Variants in ALPK2 observed in about 807,000 individuals in gnomAD.
ALPK2 encodes alpha kinase 2.
ALPK2 carries 127 observed loss-of-function variants against 163.1 expected under a neutral mutation model. The ratio of observed to expected loss-of-function variants is 0.78; its 90% CI spans 0.67 to 0.90. The LOEUF (loss-of-function observed/expected upper bound fraction) is 0.90, where lower values mean the gene tolerates loss of function less well. Ranked by LOEUF, ALPK2 falls within the 40% of genes least tolerant of loss-of-function variation. ALPK2 has a pLI of 0.00. For synonymous variants in ALPK2, 953 were observed against 959.1 expected, an observed-to-expected ratio of 0.99 and a Z score of 0.12; for missense variants, 2,360 against 2,589.6, an observed-to-expected ratio of 0.91 and a Z score of 1.92.
intron 10 of ALPK2, among the ~76,000 whole-genome samples, chr18:58,504,851 G>A (rs140688172): frequency 1.1e-3 from 167 of 152,246 alleles, no homozygotes; most frequent in African/African-American, 4.0e-3. Context: ...CCTATAGGAA[G>A]TGAGGGGAGC....
chr18:58,572,983 G>A lies in ALPK2; in HGVS notation c.1962+5831C>T, dbSNP rs191469514. On this transcript the variant is annotated intron_variant, in intron 4 of 12. Coordinates refer to ENST00000361673, the MANE Select transcript of ALPK2 (RefSeq NM_052947.4). ...TGAGGGAACCTGGGCAAAGTGTACT[G>A]TCATCTCTCTCTATTTCTTACAACT... 3.6e-3 allele frequency among the ~76,000 whole-genome samples: 549 copies of A among 152,204 alleles called. 1 individual carries two copies. The highest frequency in any genetic ancestry group is 0.013 in the African/African-American group (527 of 41,528).
chr18:58,543,651 G>A (rs1444583558), intron 4 of ALPK2, among the ~76,000 whole-genome samples: 3 of 152,204 alleles, frequency 2.0e-5, no homozygotes, highest in Non-Finnish European at 4.4e-5. Flanking sequence ...CTTCTGCTGA[G>A]AAAGCGTAAT....
Position 58,579,309 on chromosome 18 carries a change from T to C in ALPK2, c.1467A>G (p.Glu489=). 1 of 1,614,232 alleles carries C rather than the reference T, an allele frequency of 6.2e-7. No homozygotes were observed. The highest frequency in any genetic ancestry group is 1.6e-4 in the Middle Eastern group (1 of 6,062). Residue 489 remains glutamate (E), a synonymous_variant, in exon 4 of 13, where the codon GAA becomes GAG. Transcript: ENST00000361673. ...GCTTCATCTCTGTCTCTCTTACTGA[T>C]TCATCCATGTTGAGCAGATTGTCAC... The part of the protein sequence containing the change: ...FASDNLLNMD[E]SVRETEMKLL...
chr18:58,617,165 A>G (rs2052174331), intron 1 of ALPK2, among the ~76,000 whole-genome samples: 1 of 152,042 alleles, frequency 6.6e-6, no homozygotes, highest in Non-Finnish European at 1.5e-5. Flanking sequence ...GATTGTGGCA[A>G]GTTTCTTTTT....
intron 1 of ALPK2, among the ~76,000 whole-genome samples, chr18:58,615,131 A>G (rs963633993): frequency 2.0e-5 from 3 of 152,196 alleles, no homozygotes; most frequent in African/African-American, 7.2e-5. Flanking sequence ...GACATTTTAT[A>G]TAAATAGAAG....
intron 4 of ALPK2, among the ~76,000 whole-genome samples, chr18:58,567,239 C>T (rs1350579877): frequency 6.6e-6 from 1 of 151,598 alleles, no homozygotes; most frequent in Non-Finnish European, 1.5e-5. Context: ...AAAAAAAAGG[C>T]CGGGCGTGAT....
At chr18:58,592,572 G>C (rs937296413) in intron 3 of ALPK2, among the ~76,000 whole-genome samples, 5 of 152,182 alleles carry the variant, frequency 3.3e-5, no homozygotes, top group Non-Finnish European at 7.4e-5. Flanking sequence ...AGGTAGGGCT[G>C]GGGGAGAGGG....
At chr18:58,543,056 G>A (rs980154324) in intron 4 of ALPK2, among the ~76,000 whole-genome samples, 2 of 152,266 alleles carry the variant, frequency 1.3e-5, no homozygotes, top group African/African-American at 4.8e-5. Flanking sequence ...GAATTAATGG[G>A]CTGAAGGATT....
At position 58,525,967 on chromosome 18, in the gene ALPK2, G is replaced by GAAAAAAAAAAA. The variant is rs10653750; in HGVS notation, c.5502-1916_5502-1906dup. Among the ~76,000 whole-genome samples the GAAAAAAAAAAA allele has an allele frequency of 8.5e-5, 10 of 117,590 alleles. 3 individuals carry two copies. The highest frequency in any genetic ancestry group is 9.2e-5 in the Admixed American group (1 of 10,866). The allele number at this position is 117,590 out of a possible 152,430, so 77.1% of individuals were successfully genotyped here. A position where few individuals can be genotyped will look rare whatever the true frequency, so the allele number is the denominator to read the frequency against. On this transcript the variant is annotated intron_variant, in intron 6 of 12. Transcript: ENST00000361673. Reference sequence around the variant, plus strand: ...TACTGGGGGATTCAATGATGAAAAAGAAAAAAAAAAAAAAAAAAAGGCACA... The same window carrying GAAAAAAAAAAA: ...TACTGGGGGATTCAATGATGAAAAAGAAAAAAAAAAAAAAAAAAAAAAAAAAAAAAGGCACA...
At chr18:58,556,027 A>T (rs1602216396) in intron 4 of ALPK2, among the ~76,000 whole-genome samples, 1 of 152,050 alleles carries the variant, frequency 6.6e-6, no homozygotes, top group Non-Finnish European at 1.5e-5. Flanking sequence ...TCACCATGTT[A>T]GCCAGGCTGG....
At chr18:58,533,185 C>A (rs1413251758) in intron 5 of ALPK2, among the ~76,000 whole-genome samples, 4 of 152,182 alleles carry the variant, frequency 2.6e-5, no homozygotes, top group African/African-American at 9.7e-5. Context: ...AGTGCAATGG[C>A]GAGGTTGTGC....
At chr18:58,523,667 A>G (rs2051567749) in intron 8 of ALPK2, 139 bp downstream of exon 8, 1 of 1,029,786 alleles carries the variant, frequency 9.7e-7, no homozygotes, top group East Asian at 2.4e-5. Flanking sequence ...GATGGCATTC[A>G]TTTCTTAAGT....
chr18:58,518,352 A>G (rs1291146464), intron 8 of ALPK2, among the ~76,000 whole-genome samples: 1 of 152,224 alleles, frequency 6.6e-6, no homozygotes, highest in Non-Finnish European at 1.5e-5. Context: ...TGCCAGAAAG[A>G]AAGAAAGGGA....
At position 58,579,436 on chromosome 18, in the gene ALPK2, C is replaced by T. The variant is rs372245405; in HGVS notation, c.1340G>A (p.Gly447Glu). ...GGGAGCAGTGGGGAGTTTATATCTC[C>T]CCTGTTCTGTCACTGAAGACGTTCC... ...QDGTSSVTEQ[G>E]RYKLPTAPEA... is the part of the protein sequence containing the mutation. The change falls in exon 4 of 13, where the codon GGG becomes GAG. Residue 447 changes from glycine to glutamate, a missense_variant. Transcript: ENST00000361673. The T allele has an allele frequency of 1.6e-5, 26 of 1,614,022 alleles. No individual in the cohort carries two copies. The African/African-American group carries it at 3.2e-4, about 20-fold the overall frequency.
At chr18:58,617,009 A>C (rs1393295631) in intron 1 of ALPK2, among the ~76,000 whole-genome samples, 1 of 152,134 alleles carries the variant, frequency 6.6e-6, no homozygotes, top group Non-Finnish European at 1.5e-5. Context: ...GAGAACACCC[A>C]CCAGTGTCTG....
chr18:58,483,953 C>G (rs1242544986), intron 12 of ALPK2, among the ~76,000 whole-genome samples: 1 of 152,116 alleles, frequency 6.6e-6, no homozygotes, highest in Non-Finnish European at 1.5e-5. Context: ...TGCACCTCCT[C>G]TTTGTGGCAC....
intron 11 of ALPK2, among the ~76,000 whole-genome samples, chr18:58,501,655 G>A (rs139981508): frequency 1.6e-3 from 242 of 152,286 alleles, no homozygotes; most frequent in African/African-American, 5.6e-3. Context: ...CAGAAAATGC[G>A]GGTTGGAGTC....
chr18:58,554,203 C>T (rs779928328), intron 4 of ALPK2, among the ~76,000 whole-genome samples: 4 of 152,138 alleles, frequency 2.6e-5, no homozygotes, highest in Admixed American at 6.5e-5. Context: ...CTAATACAAA[C>T]GTGTTAGCTC....
At chr18:58,577,021 C>T (rs1410486478) in intron 4 of ALPK2, among the ~76,000 whole-genome samples, 2 of 152,218 alleles carry the variant, frequency 1.3e-5, no homozygotes, top group Non-Finnish European at 2.9e-5. Context: ...GGACCTTCAG[C>T]TGATACCTGG....
Sources: allele counts gnomAD v4.1 joint callset (sites outside exome capture counted in the v4.1 genomes callset), GRCh38; gene constraint gnomAD v4.1.1; transcripts MANE v1.5; gene names NCBI Gene and HGNC (gene_info 2026-07-23, HGNC 2026-07-21).